DDX1: variants seen among roughly 807,000 people sequenced by gnomAD.
DDX1 encodes the protein ATP-dependent RNA helicase DDX1.
Under a neutral mutation model 108.7 loss-of-function variants are expected in DDX1, and 28 were observed. The ratio of observed to expected loss-of-function variants is 0.26; its 90% CI spans 0.19 to 0.35. The LOEUF (loss-of-function observed/expected upper bound fraction) is 0.35. Among genes scored for constraint, DDX1 ranks in the 10% least tolerant of loss-of-function variants. The probability of loss-of-function intolerance (pLI) is 1.00; values close to 1 mark genes in which losing one functional copy is unlikely to be tolerated. For synonymous variants in DDX1, 295 were observed against 288.9 expected, an observed-to-expected ratio of 1.02 and a Z score of -0.21; for missense variants, 710 against 884.5, an observed-to-expected ratio of 0.80 and a Z score of 2.50.
intron 13 of DDX1, among the ~76,000 whole-genome samples, 162 bp from the exon 14 acceptor site, chr2:15,613,062 T>A (rs1421281642): frequency 6.6e-6 from 1 of 152,128 alleles, no homozygotes; most frequent in Non-Finnish European, 1.5e-5. Context: ...GGGCAGCGTG[T>A]AACCTTTGTA....
rs1558453323 is a variant in DDX1 at position 15,606,045 on chromosome 2, AG to A, written c.702+20del. ...TTTGAAGGTAATTAGGAATCTAGTT[AG>A]AAAAAATTTGCTGTGGTTGTAAGCT... On this transcript the variant is annotated intron_variant, in intron 11 of 25. Transcript: ENST00000233084. 1 of 1,576,182 alleles carries A rather than the reference AG, an allele frequency of 6.3e-7. No individual in the cohort carries two copies. The highest frequency in any genetic ancestry group is 8.6e-7 in the Non-Finnish European group (1 of 1,161,616).
At chr2:15,598,471 A>C (rs1665536256) in intron 5 of DDX1, among the ~76,000 whole-genome samples, 1 of 152,220 alleles carries the variant, frequency 6.6e-6, no homozygotes, top group African/African-American at 2.4e-5. Flanking sequence ...TAAAGAAAGT[A>C]GAAATTTAAA....
chr2:15,623,010 A>G (rs761567051), intron 18 of DDX1, among the ~76,000 whole-genome samples: 8 of 152,314 alleles, frequency 5.3e-5, no homozygotes, highest in Non-Finnish European at 7.4e-5. Flanking sequence ...TAGAAAGTAC[A>G]TTAATTATTT....
rs766451073 is a variant in DDX1 at position 15,620,377 on chromosome 2, T to C, written c.1376T>C (p.Leu459Pro). Residue 459 changes from leucine (L) to proline (P), a missense_variant, in exon 17 of 26, where the codon CTT becomes CCT. Leu to Pro is a moderately conservative substitution (Grantham distance 98). This residue lies in a region of DDX1 where 661 missense variants were observed against 810.2 expected (regional missense o/e 0.82). Coordinates refer to ENST00000233084, the MANE Select transcript of DDX1 (RefSeq NM_004939.3). ...NPKTDRLWER[L>P]GKSHIRTDDV... Reference sequence around the variant, plus strand: ...AAAACTGACAGACTCTGGGAAAGGCTTGGAAAGAGCCACATTAGAGTAAGT... The same window carrying C: ...AAAACTGACAGACTCTGGGAAAGGCCTGGAAAGAGCCACATTAGAGTAAGT... 6.2e-7 allele frequency: 1 copy of C among 1,612,864 alleles called. No individual in the cohort carries two copies. The highest frequency in any genetic ancestry group is 8.5e-7 in the Non-Finnish European group (1 of 1,179,674).
chr2:15,595,803 G>A (rs1296990458), intron 3 of DDX1, among the ~76,000 whole-genome samples: 1 of 152,154 alleles, frequency 6.6e-6, no homozygotes, highest in Non-Finnish European at 1.5e-5. Flanking sequence ...GAGATGCAGA[G>A]TAGTATAGAA....
intron 1 of DDX1, among the ~76,000 whole-genome samples, 180 bp downstream of exon 1, chr2:15,592,129 TC>T (rs1665423645): frequency 6.6e-6 from 1 of 152,218 alleles, no homozygotes; most frequent in Non-Finnish European, 1.5e-5. Context: ...CGGCTCGGGT[TC>T]GGAGGACGAT....
chr2:15,627,283 T>A, intron 20 of DDX1, 138 bp downstream of exon 20: 1 of 513,926 alleles, frequency 1.9e-6, no homozygotes, highest in East Asian at 3.2e-5. Context: ...TAATGTGTCA[T>A]CATCATGACA....
Position 15,629,687 on chromosome 2 carries a change from A to G in DDX1, c.1961A>G (p.Asn654Ser). The G allele has an allele frequency of 6.4e-7, 1 of 1,567,434 alleles. No individual in the cohort carries two copies. Among genetic ancestry groups the G allele is most frequent in the Non-Finnish European group, 8.6e-7 (1 of 1,164,890 alleles). ...GATGGAGGCTGTACCATATGGTACA[A>G]CGAGATGCAGGTAAGACTTCGAGTT... is the stretch of plus-strand genomic sequence containing the variant. ...KEDGGCTIWY[N>S]EMQLLSEIEE... The change falls in exon 24 of 26, where the codon AAC becomes AGC. Residue 654 changes from asparagine (N) to serine (S), a missense_variant. This residue lies in a region of DDX1 where 661 missense variants were observed against 810.2 expected (regional missense o/e 0.82). Transcript: ENST00000233084.
At chr2:15,625,325 G>A (rs1666083592) in intron 19 of DDX1, among the ~76,000 whole-genome samples, 1 of 152,132 alleles carries the variant, frequency 6.6e-6, no homozygotes, top group Non-Finnish European at 1.5e-5. Context: ...GGGATAGGCT[G>A]GGAAAGGATA....
At chr2:15,603,772 T>C (rs753103696) in intron 8 of DDX1, 42 bp from the exon 9 acceptor site, 2 of 1,339,692 alleles carry the variant, frequency 1.5e-6, no homozygotes, top group Admixed American at 2.0e-5. Flanking sequence ...TTTAATTTTA[T>C]ATTTTCTCTT....
intron 25 of DDX1, among the ~76,000 whole-genome samples, chr2:15,630,405 G>A (rs1329283747): frequency 6.6e-6 from 1 of 152,158 alleles, no homozygotes. Context: ...AGCATAATAG[G>A]TGATTTTGAA....
Position 15,606,278 on chromosome 2 carries a change from A to G in DDX1, c.817+14A>G. On this transcript the variant is annotated intron_variant, in intron 12 of 25. Transcript: ENST00000233084. ...CACAGCACTCAGGTATTATACCTGC[A>G]AGGGTAAGGATTTCTAGAATAGTGA... 1 of 1,549,108 alleles carries G rather than the reference A, an allele frequency of 6.5e-7. No homozygotes were observed. The highest frequency in any genetic ancestry group is 8.9e-7 in the Non-Finnish European group (1 of 1,123,630).
intron 13 of DDX1, among the ~76,000 whole-genome samples, chr2:15,608,663 GTTTTT>G (rs569566545): frequency 1.0e-4 from 11 of 106,726 alleles, no homozygotes; most frequent in African/African-American, 3.0e-4. Context: ...TTTTTTTTAG[GTTTTT>G]TTTTTTTTTT....
At position 15,620,262 on chromosome 2, in the gene DDX1, A is replaced by G. The variant is rs1237782286; in HGVS notation, c.1261A>G (p.Lys421Glu). The G allele has an allele frequency of 6.2e-7, 1 of 1,614,004 alleles. No individual in the cohort carries two copies. Among genetic ancestry groups the G allele is most frequent in the East Asian group, 2.2e-5 (1 of 44,876 alleles). ...HSFDVKKLSEKIMHFPTWVDL... is the reference protein window; with the variant it reads ...HSFDVKKLSEEIMHFPTWVDL... ...TTTCGATGTAAAGAAACTGTCCGAG[A>G]AGATAATGCATTTTCCTACATGGGT... The change falls in exon 17 of 26, where the codon AAG becomes GAG. Residue 421 changes from lysine (K) to glutamate (E), a missense_variant. Transcript: ENST00000233084.
At position 15,629,630 on chromosome 2, in the gene DDX1, GA is replaced by G; in HGVS notation, c.1908del (p.Cys638ValfsTer25). 6.3e-7 allele frequency: 1 copy of G among 1,591,270 alleles called. No homozygotes were observed. The highest frequency in any genetic ancestry group is 1.2e-5 in the South Asian group (1 of 85,558). ...TGGTACCATGTATGTAGCAGCCGTG[GA>G]AAAGGGTGTTATAACACAAGACTCA... Reference protein sequence around the residue: ...KVWYHVCSSRGKGCYNTRLKE... With the variant: ...KVWYHVCSSRXKGCYNTRLKE... On this transcript the variant is annotated frameshift_variant, in exon 24 of 26. Coordinates refer to ENST00000233084, the MANE Select transcript of DDX1 (RefSeq NM_004939.3). LOFTEE classifies it high-confidence loss of function.
chr2:15,629,739 G>C, intron 24 of DDX1, 42 bp downstream of exon 24: 1 of 1,404,894 alleles, frequency 7.1e-7, no homozygotes, highest in Non-Finnish European at 9.7e-7. Context: ...TATTAAAATG[G>C]TAGAATAGAA....
At chr2:15,595,760 T>G (rs1665486947) in intron 3 of DDX1, among the ~76,000 whole-genome samples, 1 of 152,202 alleles carries the variant, frequency 6.6e-6, no homozygotes, top group Non-Finnish European at 1.5e-5. Context: ...TAAGAATGAA[T>G]CTCGTATCAG....
At chr2:15,593,503 A>G (rs1010006251) in intron 1 of DDX1, among the ~76,000 whole-genome samples, 4 of 152,224 alleles carry the variant, frequency 2.6e-5, no homozygotes, top group African/African-American at 9.7e-5. Flanking sequence ...TCCGCTTTCA[A>G]AGAAAACTTG....
intron 18 of DDX1, among the ~76,000 whole-genome samples, chr2:15,622,355 A>G (rs1666028778): frequency 6.6e-6 from 1 of 152,326 alleles, no homozygotes; most frequent in South Asian, 2.1e-4. Flanking sequence ...ATTCCGCCTC[A>G]ATGAAGATTC....
Sources: gnomAD v4.1 joint callset for allele counts (sites outside exome capture counted in the v4.1 genomes callset) on GRCh38, gnomAD v4.1.1 for gene constraint, gnomAD v4.1.1 regional missense constraint, MANE v1.5 for transcripts, NCBI Gene and HGNC (gene_info 2026-07-23, HGNC 2026-07-21) for gene names.